RGS6: variants seen among roughly 807,000 people sequenced by gnomAD.
RGS6 encodes the protein regulator of G-protein signaling 6.
A neutral mutation model predicts 78.5 loss-of-function variants in RGS6; 30 were observed. That is an observed-to-expected ratio of 0.38 (90% CI 0.29 to 0.52). RGS6 has a LOEUF of 0.52. Among genes scored for constraint, RGS6 ranks in the 20% least tolerant of loss-of-function variants. The pLI is 0.85. For missense variants in RGS6, 495 were observed against 609.7 expected, an observed-to-expected ratio of 0.81 and a Z score of 1.98; for synonymous variants, 206 against 206.0, an observed-to-expected ratio of 1.00 and a Z score of 0.00.
At chr14:72,595,307 T>C in the RGS6 span, among the ~76,000 whole-genome samples, 1 of 152,176 alleles carries the variant, frequency 6.6e-6, no homozygotes, top group Non-Finnish European at 1.5e-5. Flanking sequence ...TTTCTATCTA[T>C]ATTAAGCAAC....
At chr14:72,353,303 T>A (rs2079500461) in intron 3 of RGS6, among the ~76,000 whole-genome samples, 1 of 152,176 alleles carries the variant, frequency 6.6e-6, no homozygotes, top group South Asian at 2.1e-4. Flanking sequence ...TTATTCATCA[T>A]CTCCAAAGAC....
chr14:72,208,867 G>A (rs2043332972), intron 2 of RGS6, among the ~76,000 whole-genome samples: 1 of 152,062 alleles, frequency 6.6e-6, no homozygotes. Flanking sequence ...CTCCCTTCCT[G>A]CTATCCCATG....
chr14:72,439,309 T>A (rs904137635), intron 3 of RGS6, among the ~76,000 whole-genome samples: 1 of 152,184 alleles, frequency 6.6e-6, no homozygotes, highest in Non-Finnish European at 1.5e-5. Flanking sequence ...AATGCTTTAG[T>A]GAATGCATAA....
chr14:71,936,041 T>TATATATATATATATAC (rs1555390355), intron 1 of RGS6, among the ~76,000 whole-genome samples: 2 of 127,704 alleles, frequency 1.6e-5, no homozygotes, highest in East Asian at 2.2e-4. Context: ...TATATATATA[T>TATATATATATATATAC]GTACATATAT....
chr14:72,152,342 G>A (rs568234887), intron 2 of RGS6, among the ~76,000 whole-genome samples: 12 of 151,572 alleles, frequency 7.9e-5, no homozygotes, highest in Non-Finnish European at 1.2e-4. Flanking sequence ...AAATTTCAAC[G>A]CAACAGAAAG....
chr14:72,481,931 C>T (rs2096388789), intron 12 of RGS6, among the ~76,000 whole-genome samples: 1 of 151,554 alleles, frequency 6.6e-6, no homozygotes, highest in African/African-American at 2.4e-5. Flanking sequence ...GCCTCAGCCT[C>T]CTCAGTAGCT....
At chr14:72,244,069 G>A (rs61340705) in intron 2 of RGS6, among the ~76,000 whole-genome samples, 1 of 152,138 alleles carries the variant, frequency 6.6e-6, no homozygotes, top group Non-Finnish European at 1.5e-5. Context: ...TCTACCCTCA[G>A]AACAGCTAAA....
intron 2 of RGS6, among the ~76,000 whole-genome samples, chr14:72,054,561 C>T (rs1200493842): frequency 2.0e-5 from 3 of 152,060 alleles, no homozygotes; most frequent in African/African-American, 4.8e-5. Flanking sequence ...CTTTTCCTTC[C>T]ATTCTTGGTT....
intron 2 of RGS6, among the ~76,000 whole-genome samples, chr14:71,981,679 C>T (rs2153125836): frequency 6.6e-6 from 1 of 151,922 alleles, no homozygotes; most frequent in Middle Eastern, 3.4e-3. Flanking sequence ...AGAACCACTG[C>T]TCTCTTCAAA....
intron 2 of RGS6, among the ~76,000 whole-genome samples, chr14:71,975,468 T>A (rs920090050): frequency 7.0e-6 from 1 of 143,596 alleles, no homozygotes; most frequent in Admixed American, 6.9e-5. Flanking sequence ...TTGGGGATTC[T>A]TTTTTTTTTT....
At chr14:71,872,890 T>G in the RGS6 span, among the ~76,000 whole-genome samples, 255 of 152,270 alleles carry the variant, frequency 1.7e-3, 3 homozygotes, top group African/African-American at 5.9e-3. Context: ...GAACATGCGG[T>G]GTTTGGTTTT....
chr14:72,188,362 C>T (rs969455122), intron 2 of RGS6, among the ~76,000 whole-genome samples: 1 of 152,196 alleles, frequency 6.6e-6, no homozygotes, highest in African/African-American at 2.4e-5. Flanking sequence ...AGAACCACCA[C>T]AAGTAATGAG....
At chr14:72,541,547 A>G (rs1025137631) in intron 17 of RGS6, 1 of 1,535,694 alleles carries the variant, frequency 6.5e-7, no homozygotes, top group Non-Finnish European at 8.7e-7. Flanking sequence ...GGCTCCGCAC[A>G]CCAAGAAGCT....
the RGS6 span, among the ~76,000 whole-genome samples, chr14:71,871,142 G>A: frequency 6.6e-6 from 1 of 152,100 alleles, no homozygotes; most frequent in Admixed American, 6.5e-5. Flanking sequence ...AGCTTGTTTG[G>A]GTCTGTTCTA....
intron 13 of RGS6, among the ~76,000 whole-genome samples, chr14:72,509,030 G>A (rs140495597): frequency 2.6e-5 from 4 of 152,176 alleles, no homozygotes; most frequent in African/African-American, 7.2e-5. Context: ...TAGTCTGAAT[G>A]TGAGACAGCA....
At chr14:72,534,628 A>G (rs57401932) in intron 15 of RGS6, among the ~76,000 whole-genome samples, 3,804 of 152,268 alleles carry the variant, frequency 0.025, 80 homozygotes, top group East Asian at 0.093. Flanking sequence ...TTGACTCCAT[A>G]TCTTGGCTAC....
At position 72,495,195 on chromosome 14, in the gene RGS6, A is replaced by C; in HGVS notation, c.898A>C (p.Ile300Leu). 1 of 1,613,748 alleles carries C rather than the reference A, an allele frequency of 6.2e-7. No individual in the cohort carries two copies. Among genetic ancestry groups the C allele is most frequent in the Middle Eastern group, 1.6e-4 (1 of 6,062 alleles). ...ACAATATGTGGAATATGACCCTTTGATAACACCAGCTGAGCCATCCAACCC... is the reference window on the plus strand; with the variant it reads ...ACAATATGTGGAATATGACCCTTTGCTAACACCAGCTGAGCCATCCAACCC... ...TEQYVEYDPL[I>L]TPAEPSNPWI... is the part of the protein sequence containing the mutation. Residue 300 changes from isoleucine to leucine, a missense_variant, in exon 13 of 18, where the codon ATA (isoleucine) becomes CTA (leucine). By Grantham distance (5) the Ile-to-Leu change is conservative. Coordinates refer to ENST00000553525, the MANE Select transcript of RGS6 (RefSeq NM_001204424.2).
At chr14:72,297,839 T>A (rs2065182430) in intron 2 of RGS6, among the ~76,000 whole-genome samples, 1 of 152,046 alleles carries the variant, frequency 6.6e-6, no homozygotes. Context: ...TACCTTTCAT[T>A]AAAATTATTC....
At chr14:72,485,691 T>C (rs752140821) in intron 12 of RGS6, among the ~76,000 whole-genome samples, 1 of 152,114 alleles carries the variant, frequency 6.6e-6, no homozygotes, top group Non-Finnish European at 1.5e-5. Flanking sequence ...TTCTGCAAAA[T>C]AGAAGCATGC....
Sources: allele counts gnomAD v4.1 joint callset (sites outside exome capture counted in the v4.1 genomes callset), GRCh38; gene constraint gnomAD v4.1.1; transcripts MANE v1.5; gene names NCBI Gene and HGNC (gene_info 2026-07-23, HGNC 2026-07-21).